SPMIP2: variants seen among roughly 807,000 people sequenced by gnomAD.
The protein encoded by SPMIP2 is protein SPMIP2.
At chr4:159,068,877 T>A in the SPMIP2 span, among the ~76,000 whole-genome samples, 15 of 152,270 alleles carry the variant, frequency 9.9e-5, no homozygotes, top group African/African-American at 3.6e-4. Flanking sequence ...ACTTGGTGAA[T>A]CTTCCACTTG....
chr4:159,061,150 G>T, the SPMIP2 span, among the ~76,000 whole-genome samples: 1 of 150,064 alleles, frequency 6.7e-6, no homozygotes, highest in South Asian at 2.1e-4. Context: ...ACTGACTATG[G>T]TAAACAAATT....
chr4:158,904,122 G>A, the SPMIP2 span, among the ~76,000 whole-genome samples: 1 of 152,140 alleles, frequency 6.6e-6, no homozygotes. Context: ...GTTTATAATG[G>A]AGAATACCTT....
chr4:159,018,748 T>C, the SPMIP2 span, among the ~76,000 whole-genome samples: 1 of 152,140 alleles, frequency 6.6e-6, no homozygotes, highest in Admixed American at 6.6e-5. Context: ...CTTGGGTTTA[T>C]AATGAAGTCA....
At chr4:159,034,200 A>G in the SPMIP2 span, among the ~76,000 whole-genome samples, 1 of 152,230 alleles carries the variant, frequency 6.6e-6, no homozygotes, top group South Asian at 2.1e-4. Context: ...TTATAGACTT[A>G]CCACAACTAG....
the SPMIP2 span, among the ~76,000 whole-genome samples, chr4:159,062,060 G>A: frequency 6.6e-6 from 1 of 152,186 alleles, no homozygotes; most frequent in African/African-American, 2.4e-5. Flanking sequence ...CAAATGCCAC[G>A]TGTGTGTCGG....
At chr4:159,012,571 G>A in the SPMIP2 span, among the ~76,000 whole-genome samples, 1 of 45,420 alleles carries the variant, frequency 2.2e-5, no homozygotes, top group Non-Finnish European at 4.2e-5. Context: ...ACCACAGTAT[G>A]TTGAAATAAT....
At chr4:158,917,211 C>T in the SPMIP2 span, among the ~76,000 whole-genome samples, 1 of 151,596 alleles carries the variant, frequency 6.6e-6, no homozygotes, top group Non-Finnish European at 1.5e-5. Flanking sequence ...GATCACACCA[C>T]TGCACTCCAG....
chr4:159,035,587 G>A, the SPMIP2 span, among the ~76,000 whole-genome samples: 1 of 152,282 alleles, frequency 6.6e-6, no homozygotes, highest in Admixed American at 6.5e-5. Context: ...ATAAATTAAT[G>A]AGATAATTAC....
At chr4:158,943,851 A>C in the SPMIP2 span, among the ~76,000 whole-genome samples, 2 of 84,670 alleles carry the variant, frequency 2.4e-5, no homozygotes, top group Non-Finnish European at 2.3e-5. Flanking sequence ...GTTACTATTG[A>C]CATTTTCTTT....
chr4:159,081,952 C>T, the SPMIP2 span, among the ~76,000 whole-genome samples: 1 of 152,030 alleles, frequency 6.6e-6, no homozygotes. Context: ...CTCATATTTT[C>T]CCATCCAGAC....
chr4:158,963,890 G>A, the SPMIP2 span, among the ~76,000 whole-genome samples: 3 of 152,176 alleles, frequency 2.0e-5, no homozygotes, highest in East Asian at 1.9e-4. Flanking sequence ...AGCCGAGTAC[G>A]GTGGCTCACG....
At chr4:159,017,570 G>T in the SPMIP2 span, among the ~76,000 whole-genome samples, 26 of 152,028 alleles carry the variant, frequency 1.7e-4, 1 homozygote, top group East Asian at 2.9e-3. Flanking sequence ...CACCTAACAC[G>T]ATCTTTTTAG....
At chr4:158,936,601 C>G in the SPMIP2 span, among the ~76,000 whole-genome samples, 1 of 152,192 alleles carries the variant, frequency 6.6e-6, no homozygotes, top group African/African-American at 2.4e-5. Flanking sequence ...CATTTAGAAA[C>G]CATTTGGCAG....
the SPMIP2 span, among the ~76,000 whole-genome samples, chr4:158,966,900 A>G: frequency 2.0e-5 from 3 of 152,184 alleles, no homozygotes; most frequent in African/African-American, 7.2e-5. Context: ...AGTCACCTCT[A>G]AAAGAGAGAG....
the SPMIP2 span, among the ~76,000 whole-genome samples, chr4:158,993,003 T>C: frequency 6.6e-6 from 1 of 152,196 alleles, no homozygotes; most frequent in South Asian, 2.1e-4. Context: ...AAAGTGCACA[T>C]GCTTTGCAAC....
At chr4:158,991,548 G>A in the SPMIP2 span, among the ~76,000 whole-genome samples, 2 of 152,136 alleles carry the variant, frequency 1.3e-5, no homozygotes, top group African/African-American at 4.8e-5. Flanking sequence ...AATTTTAGCA[G>A]GTGTTTTCAC....
chr4:159,051,691 T>C, the SPMIP2 span, among the ~76,000 whole-genome samples: 2 of 152,340 alleles, frequency 1.3e-5, no homozygotes, highest in Non-Finnish European at 2.9e-5. Flanking sequence ...ATTTCTTCAA[T>C]AGCAAACACA....
At chr4:158,949,041 CTCT>C in the SPMIP2 span, among the ~76,000 whole-genome samples, 9 of 151,854 alleles carry the variant, frequency 5.9e-5, no homozygotes, top group African/African-American at 2.2e-4. Context: ...CTTATTTTTT[CTCT>C]TCTTTTTCAT....
the SPMIP2 span, chr4:159,035,186 T>C: frequency 3.9e-6 from 4 of 1,021,574 alleles, no homozygotes; most frequent in East Asian, 1.0e-4. Flanking sequence ...GACTCTGCAG[T>C]CTTTCCTCTC....
Sources: allele counts gnomAD v4.1 joint callset (sites outside exome capture counted in the v4.1 genomes callset), GRCh38; gene constraint gnomAD v4.1.1; transcripts MANE v1.5; gene names NCBI Gene and HGNC (gene_info 2026-07-23, HGNC 2026-07-21).